TRRAP: variants seen among roughly 807,000 people sequenced by gnomAD.
The protein encoded by TRRAP is transformation/transcription domain associated protein, also known as transformation/transcription domain-associated protein.
A neutral mutation model predicts 438.8 loss-of-function variants in TRRAP; 41 were observed. The observed-to-expected ratio is 0.09, with a 90% CI of 0.07 to 0.12. TRRAP has a LOEUF of 0.12. TRRAP is among the 10% of genes least tolerant of loss of function. TRRAP has a pLI of 1.00. For missense variants in TRRAP, 3,122 were observed against 5,055.1 expected, an observed-to-expected ratio of 0.62 and a Z score of 11.60; for synonymous variants, 1,994 against 1,962.9, an observed-to-expected ratio of 1.02 and a Z score of -0.42.
At chr7:98,937,360 T>C in intron 29 of TRRAP, 83 bp downstream of exon 29, 15 of 1,525,040 alleles carry the variant, frequency 9.8e-6, no homozygotes, top group African/African-American at 1.4e-5. Context: ...TCTTCCTGTT[T>C]ATTGCTATAT....
At position 98,976,265 on chromosome 7, in the gene TRRAP, G is replaced by A. The variant is rs750880900; in HGVS notation, c.7956G>A (p.Gln2652=). 6.2e-7 allele frequency: 1 copy of A among 1,613,992 alleles called. No individual in the cohort carries two copies. Among genetic ancestry groups the A allele is most frequent in the Non-Finnish European group, 8.5e-7 (1 of 1,180,012 alleles). Residue 2652 remains glutamine (Q), a synonymous_variant, in exon 54 of 73, where the codon CAG becomes CAA. Coordinates refer to ENST00000456197, the MANE Select transcript of TRRAP (RefSeq NM_001375524.1). The surrounding 1 kb of genome is among the most constrained non-coding windows in gnomAD (Gnocchi z 4.6). ...RLWKILSDRQ[Q]HALAGEISPF... ...GGAAGATCCTCTCTGACAGACAGCAGCATGTGAGTGTATCTTTAAAATCCT... is the reference window on the plus strand; with the variant it reads ...GGAAGATCCTCTCTGACAGACAGCAACATGTGAGTGTATCTTTAAAATCCT...
At chr7:98,939,338 A>G (rs959586393) in intron 30 of TRRAP, among the ~76,000 whole-genome samples, 1 of 152,192 alleles carries the variant, frequency 6.6e-6, no homozygotes, top group Admixed American at 6.5e-5. Context: ...TGTGTGTGAT[A>G]CAGTGTATCA....
intron 25 of TRRAP, 85 bp downstream of exon 25, chr7:98,930,915 T>A (rs1398718073): frequency 9.2e-6 from 14 of 1,517,510 alleles, no homozygotes; most frequent in Non-Finnish European, 1.3e-5. Flanking sequence ...CTTCTGCAAA[T>A]ATGCTCTCCT....
At chr7:98,973,015 T>C (rs1262945651) in intron 53 of TRRAP, among the ~76,000 whole-genome samples, 3 of 152,196 alleles carry the variant, frequency 2.0e-5, no homozygotes, top group Non-Finnish European at 4.4e-5. Context: ...GGTCTCACTC[T>C]GTTGCTCAGG....
At chr7:98,902,922 A>G (rs888547719) in intron 11 of TRRAP, among the ~76,000 whole-genome samples, 1 of 151,652 alleles carries the variant, frequency 6.6e-6, no homozygotes, top group Non-Finnish European at 1.5e-5. Context: ...AAAAAAAAAA[A>G]AAAAGAAAAT....
chr7:98,951,985 G>A (rs1231245238), intron 39 of TRRAP, among the ~76,000 whole-genome samples: 2 of 152,216 alleles, frequency 1.3e-5, no homozygotes, highest in African/African-American at 2.4e-5. Flanking sequence ...AGGAGAAAAG[G>A]AGCTGGCAGG....
chr7:98,958,672 G>A (rs932051266), intron 44 of TRRAP, among the ~76,000 whole-genome samples: 3 of 152,060 alleles, frequency 2.0e-5, no homozygotes, highest in Non-Finnish European at 4.4e-5. Context: ...CTAGTTGACA[G>A]CATGTTAACA....
chr7:98,952,360 G>A (rs1286341237), intron 39 of TRRAP, among the ~76,000 whole-genome samples: 2 of 152,146 alleles, frequency 1.3e-5, no homozygotes, highest in Non-Finnish European at 2.9e-5. Flanking sequence ...GCAGAAAAAT[G>A]AGGAGTAGAC....
At chr7:99,008,668 G>A in intron 70 of TRRAP, 107 bp downstream of exon 70, 2 of 1,210,730 alleles carry the variant, frequency 1.7e-6, no homozygotes, top group East Asian at 2.5e-5. Flanking sequence ...ATTTGTTGGG[G>A]GCCACCTCTG....
chr7:98,878,565 T>C lies in TRRAP; in HGVS notation c.-134T>C, dbSNP rs1161124577. On this transcript the variant is annotated 5_prime_UTR_variant, in exon 1 of 73. Transcript: ENST00000456197. ...GCGGGACTGCGCGCGGCCGAGCGGTTGCGACGAGGGCTCGGCTGGGGGTCG... is the reference window on the plus strand; with the variant it reads ...GCGGGACTGCGCGCGGCCGAGCGGTCGCGACGAGGGCTCGGCTGGGGGTCG... 44 of 150,850 alleles carry C rather than the reference T, an allele frequency of 2.9e-4. No homozygotes were observed. Among genetic ancestry groups the C allele is most frequent in the African/African-American group, 9.9e-4 (41 of 41,218 alleles). The allele number at this position is 150,850 out of a possible 1,614,324, so 9.3% of individuals were successfully genotyped here. A position where few individuals can be genotyped will look rare whatever the true frequency, so the allele number is the denominator to read the frequency against.
intron 11 of TRRAP, among the ~76,000 whole-genome samples, chr7:98,902,539 T>C (rs1554406804): frequency 6.6e-6 from 1 of 152,108 alleles, no homozygotes; most frequent in Non-Finnish European, 1.5e-5. Context: ...TGTAATCTTT[T>C]CCCCCTTAAT....
At chr7:98,899,387 T>A (rs782688800) in intron 8 of TRRAP, 35 bp from the exon 9 acceptor site, 1 of 1,604,984 alleles carries the variant, frequency 6.2e-7, no homozygotes, top group Non-Finnish European at 8.5e-7. Flanking sequence ...AATGCCACAA[T>A]GGTAACCCGG....
At position 98,931,448 on chromosome 7, in the gene TRRAP, A is replaced by G. The variant is rs782589121; in HGVS notation, c.3635A>G (p.Gln1212Arg). Reference sequence around the variant, plus strand: ...GCTATGGCAAAGACCACGCTGGAGCAGCTTCTGATGCGGTGCGCAACGCCT... The same window carrying G: ...GCTATGGCAAAGACCACGCTGGAGCGGCTTCTGATGCGGTGCGCAACGCCT... ...AVAMAKTTLEQLLMRCATPLK... is the reference protein window; with the variant it reads ...AVAMAKTTLERLLMRCATPLK... The change falls in exon 26 of 73, where the codon CAG (glutamine) becomes CGG (arginine). Residue 1212 changes from glutamine to arginine, a missense_variant. Coordinates refer to ENST00000456197, the MANE Select transcript of TRRAP (RefSeq NM_001375524.1). 2 of 1,614,058 alleles carry G rather than the reference A, an allele frequency of 1.2e-6. No homozygotes were observed. The highest frequency in any genetic ancestry group is 8.5e-7 in the Non-Finnish European group (1 of 1,180,054).
intron 4 of TRRAP, among the ~76,000 whole-genome samples, chr7:98,890,969 T>A (rs1251471327): frequency 4.0e-5 from 6 of 150,638 alleles, no homozygotes; most frequent in African/African-American, 7.3e-5. Context: ...TTTTAAAAAA[T>A]TTTCTGTAGA....
chr7:98,976,365 T>C lies in TRRAP; in HGVS notation c.7959+97T>C. The C allele has an allele frequency of 6.3e-6, 10 of 1,576,386 alleles. No homozygotes were observed. In the South Asian group the frequency reaches 1.0e-4, roughly 16 times the overall value. On this transcript the variant is annotated intron_variant, in intron 54 of 72. Transcript: ENST00000456197. The surrounding 1 kb of genome is among the most constrained non-coding windows in gnomAD (Gnocchi z 4.6). The stretch of plus-strand genomic sequence containing the variant: ...ACAGTCTCGAACAAGTTTCAGAAAA[T>C]GAGGGAACCGCTGGCTGTCACTCGA...
Position 98,961,406 on chromosome 7 carries a change from A to G in TRRAP, c.6635A>G (p.Asn2212Ser), listed in dbSNP as rs1003248003. 6.2e-7 allele frequency: 1 copy of G among 1,614,172 alleles called. No individual in the cohort carries two copies. The highest frequency in any genetic ancestry group is 8.5e-7 in the Non-Finnish European group (1 of 1,180,032). The change falls in exon 46 of 73, where the codon AAC becomes AGC. Residue 2212 changes from asparagine to serine, a missense_variant. Transcript: ENST00000456197. ...ATTGCCGCCTGCATGACATGTGGAA[A>G]CACCAAGGTGTTGCGAGCCGTCCAC... is the stretch of plus-strand genomic sequence containing the variant. The part of the protein sequence containing the change: ...RGIAACMTCG[N>S]TKVLRAVHSL...
intron 3 of TRRAP, among the ~76,000 whole-genome samples, chr7:98,884,977 C>T (rs1168577646): frequency 5.9e-5 from 9 of 152,100 alleles, no homozygotes; most frequent in Non-Finnish European, 8.8e-5. Context: ...ACATTTGTTA[C>T]TTATTTTTTT....
In TRRAP at chr7:98,994,575, C is replaced by T; in HGVS notation, c.10048-12C>T. 1 of 1,613,706 alleles carries T rather than the reference C, an allele frequency of 6.2e-7. No homozygotes were observed. Among genetic ancestry groups the T allele is most frequent in the South Asian group, 1.1e-5 (1 of 91,064 alleles). On this transcript the variant is annotated splice_polypyrimidine_tract_variant and intron_variant, in intron 66 of 72. Transcript: ENST00000456197. This position sits in a 1 kb window ranked among gnomAD's most constrained non-coding sequence, Gnocchi z 4.8. ...CTGTGTTTGTCAGTTGTCTCTGGCTCTTTTCTACCAGGTTCTCAGGCAGCT... is the reference window on the plus strand; with the variant it reads ...CTGTGTTTGTCAGTTGTCTCTGGCTTTTTTCTACCAGGTTCTCAGGCAGCT...
chr7:98,978,126 A>C, intron 56 of TRRAP, 85 bp from the exon 57 acceptor site: 1 of 1,255,624 alleles, frequency 8.0e-7, no homozygotes, highest in South Asian at 1.4e-5. Flanking sequence ...ATCTCAAAAA[A>C]CTTAGTTCTA....
Sources: gnomAD v4.1 joint callset for allele counts (sites outside exome capture counted in the v4.1 genomes callset) on GRCh38, gnomAD v4.1.1 for gene constraint, Gnocchi (gnomAD v3.1) non-coding constraint, MANE v1.5 for transcripts, NCBI Gene and HGNC (gene_info 2026-07-23, HGNC 2026-07-21) for gene names.